The following KCTD16 variants were observed in gnomAD, a reference collection of about 807,000 sequenced individuals.
The protein encoded by KCTD16 is potassium channel tetramerization domain containing 16.
A neutral mutation model predicts 33.2 loss-of-function variants in KCTD16; 13 were observed. The ratio of observed to expected loss-of-function variants is 0.39; its 90% confidence interval spans 0.25 to 0.62. The LOEUF (loss-of-function observed/expected upper bound fraction) is 0.62. Among genes scored for constraint, KCTD16 ranks in the 20% least tolerant of loss-of-function variants. KCTD16 has a pLI of 0.50. For missense variants in KCTD16, 441 were observed against 525.1 expected, an observed-to-expected ratio of 0.84 and a Z score of 1.57; for synonymous variants, 197 against 195.3, an observed-to-expected ratio of 1.01 and a Z score of -0.07.
chr5:144,272,061 ATATAT>A (rs1332629863), intron 3 of KCTD16, among the ~76,000 whole-genome samples: 2 of 152,176 alleles, frequency 1.3e-5, no homozygotes, highest in Admixed American at 6.5e-5. Context: ...GGAAGATATA[ATATAT>A]TAAGATGCCA....
At chr5:144,346,203 T>C (rs1323872881) in intron 3 of KCTD16, among the ~76,000 whole-genome samples, 2 of 152,182 alleles carry the variant, frequency 1.3e-5, no homozygotes, top group Non-Finnish European at 2.9e-5. Context: ...CTTTTTATGG[T>C]TGAATAGTAC....
intron 3 of KCTD16, among the ~76,000 whole-genome samples, chr5:144,367,524 A>T (rs1401490116): frequency 1.3e-5 from 2 of 152,092 alleles, no homozygotes; most frequent in African/African-American, 4.8e-5. Flanking sequence ...TTATCTTTCT[A>T]TGCCTCTCAG....
intron 3 of KCTD16, among the ~76,000 whole-genome samples, chr5:144,320,159 G>GA (rs1752035412): frequency 6.6e-6 from 1 of 152,118 alleles, no homozygotes; most frequent in Non-Finnish European, 1.5e-5. Flanking sequence ...GATCTTTGGG[G>GA]AATCTCAGAA....
At chr5:144,280,685 G>A (rs1295981057) in intron 3 of KCTD16, among the ~76,000 whole-genome samples, 1 of 152,226 alleles carries the variant, frequency 6.6e-6, no homozygotes, top group African/African-American at 2.4e-5. Flanking sequence ...AGCACTTCGG[G>A]AGGCCAAGGC....
chr5:144,367,046 T>C (rs1329824607), intron 3 of KCTD16, among the ~76,000 whole-genome samples: 1 of 152,200 alleles, frequency 6.6e-6, no homozygotes, highest in Non-Finnish European at 1.5e-5. Flanking sequence ...AGAGGAGGGC[T>C]ATTAGCCCAG....
intron 3 of KCTD16, among the ~76,000 whole-genome samples, chr5:144,255,978 G>A (rs1226847915): frequency 6.6e-6 from 1 of 152,190 alleles, no homozygotes; most frequent in Admixed American, 6.5e-5. Context: ...GGAGCATACT[G>A]AGTCACTCAG....
chr5:144,397,847 G>A (rs1752609424), intron 3 of KCTD16, among the ~76,000 whole-genome samples: 1 of 152,158 alleles, frequency 6.6e-6, no homozygotes, highest in Admixed American at 6.6e-5. Flanking sequence ...TGGAAATGAT[G>A]GAGACACAGG....
intron 3 of KCTD16, among the ~76,000 whole-genome samples, chr5:144,383,405 T>C (rs1752256873): frequency 6.6e-6 from 1 of 152,194 alleles, no homozygotes; most frequent in African/African-American, 2.4e-5. Flanking sequence ...TCTACCTTTT[T>C]CACGGGATGG....
intron 3 of KCTD16, among the ~76,000 whole-genome samples, chr5:144,254,177 G>T (rs1045079324): frequency 6.6e-6 from 1 of 151,150 alleles, no homozygotes; most frequent in East Asian, 1.9e-4. Flanking sequence ...TCGCTCTGTC[G>T]CCCAGGCTGT....
At chr5:144,232,294 A>T (rs1754126081) in intron 3 of KCTD16, among the ~76,000 whole-genome samples, 2 of 152,234 alleles carry the variant, frequency 1.3e-5, no homozygotes. Flanking sequence ...TTGAAATTCC[A>T]GATATTCTCC....
At chr5:144,471,398 A>G (rs991290567) in intron 3 of KCTD16, among the ~76,000 whole-genome samples, 4 of 152,166 alleles carry the variant, frequency 2.6e-5, no homozygotes, top group African/African-American at 9.7e-5. Context: ...ATCCCAGCAT[A>G]TATTTCTTCT....
In KCTD16 at chr5:144,244,040, G is replaced by GC. The variant is rs537597204; in HGVS notation, c.832+36500dup. Among the ~76,000 whole-genome samples, 3 of 152,236 alleles carry GC rather than the reference G, an allele frequency of 2.0e-5. No individual in the cohort carries two copies. In the South Asian group the frequency reaches 6.2e-4, roughly 32 times the overall value. On this transcript the variant is annotated intron_variant, in intron 3 of 3. Transcript: ENST00000512467. ...TTACAGGCATGAGCCACCGCGTCCA[G>GC]CCCCCCATGAATACTTTTCTATTTA...
intron 3 of KCTD16, among the ~76,000 whole-genome samples, chr5:144,418,580 CT>C (rs1753138753): frequency 6.6e-6 from 1 of 152,120 alleles, no homozygotes; most frequent in African/African-American, 2.4e-5. Context: ...GACTGTACTT[CT>C]TTACTGGTGT....
At chr5:144,233,784 C>T (rs751104990) in intron 3 of KCTD16, among the ~76,000 whole-genome samples, 3 of 152,028 alleles carry the variant, frequency 2.0e-5, no homozygotes, top group African/African-American at 7.2e-5. Flanking sequence ...CAGAGTTGCC[C>T]AGGTGTTTGA....
intron 3 of KCTD16, among the ~76,000 whole-genome samples, chr5:144,302,158 G>A (rs1554086073): frequency 6.6e-6 from 1 of 152,170 alleles, no homozygotes; most frequent in Non-Finnish European, 1.5e-5. Context: ...TGACCCCAGA[G>A]CACATTCATA....
rs1752577531 is a variant in KCTD16 at position 144,179,658 on chromosome 5, C to G, written c.-327+5186C>G. ...TCAATTTTACTAATAAGACTAGTAT[C>G]AGATTCACCATTGAATCTTGTCTTT... On this transcript the variant is annotated intron_variant, in intron 2 of 3. Coordinates refer to ENST00000512467, the MANE Select transcript of KCTD16 (RefSeq NM_020768.4). 4.6e-5 allele frequency among the ~76,000 whole-genome samples: 7 copies of G among 152,306 alleles called. No homozygotes were observed. The South Asian group carries it at 1.5e-3, about 32-fold the overall frequency.
chr5:144,383,893 C>T (rs181935789), intron 3 of KCTD16, among the ~76,000 whole-genome samples: 1 of 151,990 alleles, frequency 6.6e-6, no homozygotes, highest in Non-Finnish European at 1.5e-5. Flanking sequence ...CGTTAAAAAC[C>T]AATATTATAA....
At chr5:144,430,038 A>T (rs1169138091) in intron 3 of KCTD16, among the ~76,000 whole-genome samples, 1 of 152,146 alleles carries the variant, frequency 6.6e-6, no homozygotes, top group Non-Finnish European at 1.5e-5. Flanking sequence ...AATTATAGTC[A>T]TGGGAAAAGA....
At chr5:144,459,933 T>G (rs1438060757) in intron 3 of KCTD16, among the ~76,000 whole-genome samples, 1 of 122,128 alleles carries the variant, frequency 8.2e-6, no homozygotes, top group Non-Finnish European at 1.7e-5. Context: ...CCGGGTTCAC[T>G]CCATTCTCCT....
Sources: allele counts gnomAD v4.1 joint callset (sites outside exome capture counted in the v4.1 genomes callset), GRCh38; gene constraint gnomAD v4.1.1; transcripts MANE v1.5; gene names NCBI Gene and HGNC (gene_info 2026-07-23, HGNC 2026-07-21).